Variants in DLGAP1 observed in about 807,000 individuals in gnomAD.
DLGAP1 encodes the protein DLG associated protein 1.
DLGAP1 carries 11 observed loss-of-function variants against 90.8 expected under a neutral mutation model. The observed-to-expected ratio is 0.12, with a 90% confidence interval of 0.08 to 0.20. The LOEUF (loss-of-function observed/expected upper bound fraction) is 0.20. Ranked by LOEUF, DLGAP1 falls within the 10% of genes least tolerant of loss-of-function variation. The pLI is 1.00. For synonymous variants in DLGAP1, 558 were observed against 540.7 expected (o/e 1.03, Z -0.44); for missense variants, 1,050 against 1,333.8 (o/e 0.79, Z 3.31).
chr18:4,388,494 C>T (rs1380578822), intron 1 of DLGAP1, among the ~76,000 whole-genome samples: 1 of 151,932 alleles, frequency 6.6e-6, no homozygotes, highest in Non-Finnish European at 1.5e-5. Flanking sequence ...GGTGAGCTTG[C>T]CTAGAGGGTA....
At chr18:4,218,611 T>C (rs2078009157) in intron 1 of DLGAP1, among the ~76,000 whole-genome samples, 1 of 151,960 alleles carries the variant, frequency 6.6e-6, no homozygotes, top group Non-Finnish European at 1.5e-5. Flanking sequence ...CAACATCTCC[T>C]TTTCCTCATT....
rs11453774 is a variant in DLGAP1, at chr18:3,943,451, GTTTTTTT to G, written c.-73+61658_-73+61664del. Among the ~76,000 whole-genome samples, 330 of 131,222 alleles carry G rather than the reference GTTTTTTT, an allele frequency of 2.5e-3. 3 individuals carry two copies. Among genetic ancestry groups the G allele is most frequent in the African/African-American group, 8.6e-3 (305 of 35,290 alleles). 86.1% of individuals were successfully genotyped at this position (131,222 alleles called of 152,430 possible). Reference sequence around the variant, plus strand: ...AGGATTATCTACTGTGAAAGAGAGGGTTTTTTTTTTTTTTTTTTCTGGCATGAGGAAA... The same window carrying G: ...AGGATTATCTACTGTGAAAGAGAGGGTTTTTTTTTTTCTGGCATGAGGAAA... On this transcript the variant is annotated intron_variant, in intron 3 of 12. Coordinates refer to ENST00000315677, the MANE Select transcript of DLGAP1 (RefSeq NM_004746.4).
At chr18:4,136,912 T>A (rs971377029) in intron 2 of DLGAP1, among the ~76,000 whole-genome samples, 3 of 152,126 alleles carry the variant, frequency 2.0e-5, no homozygotes, top group Non-Finnish European at 4.4e-5. Context: ...GTGGTTTTTT[T>A]ATTATACTTT....
chr18:3,820,890 A>C (rs529371321), intron 4 of DLGAP1, among the ~76,000 whole-genome samples: 17 of 152,320 alleles, frequency 1.1e-4, no homozygotes, highest in Admixed American at 1.0e-3. Flanking sequence ...TTATGGAATA[A>C]TCTCAATGAG....
intron 6 of DLGAP1, among the ~76,000 whole-genome samples, chr18:3,732,883 C>G (rs996581640): frequency 1.7e-4 from 26 of 152,140 alleles, no homozygotes; most frequent in African/African-American, 6.0e-4. Context: ...ATTGTCATTG[C>G]TACTGGGTTA....
intron 3 of DLGAP1, among the ~76,000 whole-genome samples, chr18:3,957,018 C>T (rs2148975952): frequency 6.6e-6 from 1 of 152,266 alleles, no homozygotes; most frequent in African/African-American, 2.4e-5. Context: ...AATGGTCCCC[C>T]AAGACATTCA....
chr18:3,668,741 G>C (rs1032351372), intron 7 of DLGAP1, among the ~76,000 whole-genome samples: 1 of 152,106 alleles, frequency 6.6e-6, no homozygotes, highest in Admixed American at 6.5e-5. Flanking sequence ...CTCACGCATG[G>C]AATCCCAGCA....
intron 1 of DLGAP1, among the ~76,000 whole-genome samples, chr18:4,168,983 C>T (rs1476278998): frequency 6.6e-6 from 1 of 152,162 alleles, no homozygotes; most frequent in Non-Finnish European, 1.5e-5. Context: ...CACCTTTTGG[C>T]TATTGTGAAT....
intron 1 of DLGAP1, among the ~76,000 whole-genome samples, chr18:4,372,669 G>A (rs1945185129): frequency 6.6e-6 from 1 of 152,196 alleles, no homozygotes; most frequent in East Asian, 1.9e-4. Flanking sequence ...GCTCACGCCT[G>A]TAATCCCAGC....
chr18:4,390,364 C>T (rs2082317130), intron 1 of DLGAP1, among the ~76,000 whole-genome samples: 1 of 151,944 alleles, frequency 6.6e-6, no homozygotes, highest in African/African-American at 2.4e-5. Flanking sequence ...TCTATTGACA[C>T]ATCATTATCA....
chr18:3,842,313 ACT>A (rs1164228197), intron 4 of DLGAP1, among the ~76,000 whole-genome samples: 3 of 152,126 alleles, frequency 2.0e-5, no homozygotes, highest in African/African-American at 2.4e-5. Flanking sequence ...GCTACATCAT[ACT>A]CTCTAAGTCA....
chr18:3,801,800 A>C (rs2066305379), intron 5 of DLGAP1, among the ~76,000 whole-genome samples: 1 of 152,176 alleles, frequency 6.6e-6, no homozygotes, highest in African/African-American at 2.4e-5. Flanking sequence ...AGCAAAAACC[A>C]CCCAGAAAGC....
At chr18:3,523,398 A>G (rs962133982) in intron 10 of DLGAP1, among the ~76,000 whole-genome samples, 1 of 151,966 alleles carries the variant, frequency 6.6e-6, no homozygotes. Flanking sequence ...AAAATTAAAA[A>G]AAATAAAAAT....
At chr18:4,411,792 T>TTCA (rs1396842504) in intron 1 of DLGAP1, among the ~76,000 whole-genome samples, 1 of 152,142 alleles carries the variant, frequency 6.6e-6, no homozygotes, top group East Asian at 1.9e-4. Context: ...ATGTGACCTC[T>TTCA]TCATGTTGCT....
chr18:4,368,822 T>C (rs1841814), intron 1 of DLGAP1, among the ~76,000 whole-genome samples: 15,342 of 152,002 alleles, frequency 0.1, 813 homozygotes, highest in African/African-American at 0.13. Context: ...AATACAAAAA[T>C]TATTAAAATT....
rs149085524 is a variant in DLGAP1 at position 4,356,914 on chromosome 18, T to C, written c.-267+98092A>G. Among the ~76,000 whole-genome samples, 145 of 152,260 alleles carry C rather than the reference T, an allele frequency of 9.5e-4. 1 individual carries two copies. The highest frequency in any genetic ancestry group is 3.3e-3 in the African/African-American group (138 of 41,552). ...GTGCCACATACATGTCACAGGACCT[T>C]AGCCTTTGTTGTTCCTCCAGCATGG... is the stretch of plus-strand genomic sequence containing the variant. On this transcript the variant is annotated intron_variant, in intron 1 of 12. Transcript: ENST00000315677.
chr18:4,199,126 G>T (rs1027686840), intron 1 of DLGAP1, among the ~76,000 whole-genome samples: 3 of 152,212 alleles, frequency 2.0e-5, no homozygotes, highest in African/African-American at 7.2e-5. Context: ...AATTGGAAAA[G>T]AGCGGAACAT....
intron 2 of DLGAP1, among the ~76,000 whole-genome samples, chr18:4,125,042 C>A (rs2076211488): frequency 6.6e-6 from 1 of 152,088 alleles, no homozygotes; most frequent in Admixed American, 6.5e-5. Flanking sequence ...CAGCAAAGGC[C>A]AGTGATAGAG....
intron 1 of DLGAP1, among the ~76,000 whole-genome samples, chr18:4,265,996 A>T (rs2079123434): frequency 6.6e-6 from 1 of 151,892 alleles, no homozygotes; most frequent in Non-Finnish European, 1.5e-5. Flanking sequence ...CTATTAATAT[A>T]ATTAACACTG....
Sources: allele counts gnomAD v4.1 joint callset (sites outside exome capture counted in the v4.1 genomes callset), GRCh38; gene constraint gnomAD v4.1.1; transcripts MANE v1.5; gene names NCBI Gene and HGNC (gene_info 2026-07-23, HGNC 2026-07-21).